Variants in COL24A1 observed in about 807,000 individuals in gnomAD.
COL24A1 encodes collagen type XXIV alpha 1 chain.
Under a neutral mutation model 253.9 loss-of-function variants are expected in COL24A1, and 224 were observed. The observed-to-expected ratio is 0.88, with a 90% CI of 0.79 to 0.99. COL24A1 has a LOEUF of 0.99. COL24A1 is among the 50% of genes least tolerant of loss of function. COL24A1 has a pLI of 0.00. For synonymous variants in COL24A1, 685 were observed against 673.7 expected, an observed-to-expected ratio of 1.02 and a Z score of -0.26; for missense variants, 2,131 against 2,068.5, an observed-to-expected ratio of 1.03 and a Z score of -0.59.
chr1:85,926,557 T>A (rs1313970934), intron 24 of COL24A1, among the ~76,000 whole-genome samples: 1 of 151,832 alleles, frequency 6.6e-6, no homozygotes, highest in African/African-American at 2.4e-5. Context: ...CTGAGCCAAC[T>A]ATCACAAGGA....
intron 19 of COL24A1, among the ~76,000 whole-genome samples, chr1:85,995,477 T>C (rs999749634): frequency 1.3e-5 from 2 of 152,184 alleles, no homozygotes; most frequent in Non-Finnish European, 2.9e-5. Context: ...CATAAAATTA[T>C]AGTTAAGTTA....
intron 47 of COL24A1, among the ~76,000 whole-genome samples, chr1:85,790,600 T>C (rs1166235948): frequency 5.3e-5 from 8 of 152,126 alleles, no homozygotes; most frequent in Non-Finnish European, 1.0e-4. Context: ...TACTACAAAT[T>C]GCAGTGATGC....
At chr1:85,869,537 A>G (rs1444078100) in intron 35 of COL24A1, among the ~76,000 whole-genome samples, 1 of 152,236 alleles carries the variant, frequency 6.6e-6, no homozygotes, top group Non-Finnish European at 1.5e-5. Context: ...AGTGGGGGCC[A>G]ACATTCAACA....
chr1:86,043,793 T>C (rs1468409857), intron 12 of COL24A1, among the ~76,000 whole-genome samples: 1 of 152,184 alleles, frequency 6.6e-6, no homozygotes, highest in Non-Finnish European at 1.5e-5. Flanking sequence ...CCCAAAGCAC[T>C]GGGATTATAG....
chr1:85,873,689 G>C (rs1283329987), intron 35 of COL24A1, among the ~76,000 whole-genome samples: 2 of 152,162 alleles, frequency 1.3e-5, no homozygotes, highest in African/African-American at 2.4e-5. Flanking sequence ...CGTGGGGTAG[G>C]GGAGGGGGAA....
At chr1:86,035,715 T>C (rs1047469167) in intron 12 of COL24A1, among the ~76,000 whole-genome samples, 1 of 152,154 alleles carries the variant, frequency 6.6e-6, no homozygotes, top group African/African-American at 2.4e-5. Context: ...AGGTGAATTT[T>C]ATGGTATGTG....
At position 85,874,659 on chromosome 1, in the gene COL24A1, G is replaced by A. The variant is rs200448368; in HGVS notation, c.3128C>T (p.Pro1043Leu). The A allele has an allele frequency of 2.4e-4, 392 of 1,612,514 alleles. 4 individuals are homozygous for A. In the Middle Eastern group the frequency reaches 8.4e-3, roughly 34 times the overall value. Reference protein sequence around the residue: ...TAGSVGGTGEPGLRGEPGAPG... With the variant: ...TAGSVGGTGELGLRGEPGAPG... ...CAAGGGGGCACTCACCCGTAAACCT[G>A]GTTCCCCAGTTCCTCCAACACTGCC... Residue 1043 changes from proline (P) to leucine (L), a missense_variant, in exon 35 of 60, where the codon CCA becomes CTA. Transcript: ENST00000370571.
chr1:86,090,780 A>C (rs1703438539), intron 6 of COL24A1, among the ~76,000 whole-genome samples: 1 of 152,096 alleles, frequency 6.6e-6, no homozygotes, highest in South Asian at 2.1e-4. Context: ...TATACTATTA[A>C]ATTTTATATC....
At chr1:86,031,772 T>C (rs551959980) in intron 14 of COL24A1, 106 bp downstream of exon 14, 2 of 812,068 alleles carry the variant, frequency 2.5e-6, no homozygotes, top group South Asian at 2.3e-5. Context: ...TAACCAACAA[T>C]GACAGTAAAA....
chr1:86,033,683 T>A (rs1331848860), intron 13 of COL24A1, among the ~76,000 whole-genome samples, 187 bp downstream of exon 13: 1 of 152,302 alleles, frequency 6.6e-6, no homozygotes, highest in African/African-American at 2.4e-5. Flanking sequence ...AATGTCATGA[T>A]GAAATTTGAA....
Position 85,744,694 on chromosome 1 carries a change from T to A in COL24A1, c.4644A>T (p.Leu1548Phe), listed in dbSNP as rs773113445. Reference protein sequence around the residue: ...RDNPARICKDLLNCEQKVSDG... With the variant: ...RDNPARICKDFLNCEQKVSDG... The stretch of plus-strand genomic sequence containing the variant: ...CTGATACTTTTTGTTCACAGTTAAG[T>A]AAATCTTTGCAGATTCGTGCTGGGT... The change falls in exon 57 of 60, where the codon TTA becomes TTT. Residue 1548 changes from leucine to phenylalanine, a missense_variant. Leu to Phe is a conservative substitution (Grantham distance 22). Coordinates refer to ENST00000370571, the MANE Select transcript of COL24A1 (RefSeq NM_152890.7). 1 of 1,609,088 alleles carries A rather than the reference T, an allele frequency of 6.2e-7. No individual in the cohort carries two copies. The highest frequency in any genetic ancestry group is 8.5e-7 in the Non-Finnish European group (1 of 1,178,250).
intron 12 of COL24A1, among the ~76,000 whole-genome samples, chr1:86,035,588 G>T (rs1698934765): frequency 6.6e-6 from 1 of 152,102 alleles, no homozygotes; most frequent in Non-Finnish European, 1.5e-5. Flanking sequence ...GGAATGGAAA[G>T]TGATTCCTAA....
At chr1:86,015,262 A>G (rs1696883926) in intron 19 of COL24A1, among the ~76,000 whole-genome samples, 1 of 152,182 alleles carries the variant, frequency 6.6e-6, no homozygotes, top group Non-Finnish European at 1.5e-5. Flanking sequence ...TACAGGTTAC[A>G]TTTTTAGCCC....
intron 31 of COL24A1, among the ~76,000 whole-genome samples, chr1:85,893,918 C>T (rs911398639): frequency 1.3e-5 from 2 of 152,158 alleles, no homozygotes; most frequent in African/African-American, 4.8e-5. Context: ...GCTGGGATTA[C>T]AGGCATGAGC....
At chr1:85,891,217 ATT>A (rs138122213) in intron 31 of COL24A1, among the ~76,000 whole-genome samples, 101 of 127,054 alleles carry the variant, frequency 7.9e-4, no homozygotes, top group East Asian at 1.4e-3. Context: ...CGCCCGGCTA[ATT>A]TTTTTTTTTT....
intron 43 of COL24A1, among the ~76,000 whole-genome samples, chr1:85,837,024 A>T (rs550563630): frequency 2.0e-5 from 3 of 152,320 alleles, no homozygotes; most frequent in Admixed American, 2.0e-4. Flanking sequence ...GAGATATTGC[A>T]GGAATCTGGT....
chr1:85,839,754 A>T (rs992549772), intron 42 of COL24A1, among the ~76,000 whole-genome samples: 6 of 152,082 alleles, frequency 3.9e-5, no homozygotes, highest in African/African-American at 1.4e-4. Context: ...AATTTTCAAG[A>T]CATAAATTAA....
chr1:85,748,541 G>A (rs984379307), intron 55 of COL24A1, among the ~76,000 whole-genome samples: 1 of 152,040 alleles, frequency 6.6e-6, no homozygotes, highest in Non-Finnish European at 1.5e-5. Context: ...CAAGATGGCC[G>A]AATAGGAACA....
chr1:85,841,384 A>C, intron 41 of COL24A1, 106 bp from the exon 42 acceptor site: 1 of 755,820 alleles, frequency 1.3e-6, no homozygotes. Context: ...GTTTGATGTT[A>C]TCTTTTTTTA....
Sources: gnomAD v4.1 joint callset for allele counts (sites outside exome capture counted in the v4.1 genomes callset) on GRCh38, gnomAD v4.1.1 for gene constraint, MANE v1.5 for transcripts, NCBI Gene and HGNC (gene_info 2026-07-23, HGNC 2026-07-21) for gene names.